The following ADAM17 variants were observed in gnomAD, a reference collection of about 807,000 sequenced individuals.
ADAM17 encodes the protein disintegrin and metalloproteinase domain-containing protein 17.
In ADAM17, 39 loss-of-function variants were observed where a neutral mutation model predicts 96.7. The observed-to-expected ratio is 0.40, with a 90% CI of 0.31 to 0.53. ADAM17 has a LOEUF of 0.53. Ranked by LOEUF, ADAM17 falls within the 20% of genes least tolerant of loss-of-function variation. ADAM17 has a pLI of 0.44. For synonymous variants in ADAM17, 344 were observed against 359.2 expected (o/e 0.96, Z 0.48); for missense variants, 777 against 1,013.2 (o/e 0.77, Z 3.17).
At chr2:9,518,949 A>G (rs1664193020) in intron 8 of ADAM17, among the ~76,000 whole-genome samples, 1 of 151,954 alleles carries the variant, frequency 6.6e-6, no homozygotes, top group Non-Finnish European at 1.5e-5. Context: ...TGTGTCACCT[A>G]GGCTGGAATG....
chr2:9,507,007 A>G (rs1027822585), intron 11 of ADAM17: 47 of 152,116 alleles, frequency 3.1e-4, no homozygotes, highest in African/African-American at 1.1e-3. Context: ...AGAAGTTACA[A>G]TCTCAAAGGT....
At chr2:9,534,011 C>T (rs1572946452) in intron 4 of ADAM17, among the ~76,000 whole-genome samples, 2 of 152,178 alleles carry the variant, frequency 1.3e-5, no homozygotes, top group African/African-American at 4.8e-5. Context: ...TCCAACTAAA[C>T]ACATGCACCA....
intron 4 of ADAM17, among the ~76,000 whole-genome samples, chr2:9,529,696 C>T (rs1242796299): frequency 1.3e-5 from 2 of 152,070 alleles, no homozygotes; most frequent in Non-Finnish European, 2.9e-5. Flanking sequence ...AACTGCCGGG[C>T]GCGATGGCTC....
At chr2:9,543,063 C>T in intron 2 of ADAM17, 90 bp downstream of exon 2, 2 of 1,365,452 alleles carry the variant, frequency 1.5e-6, no homozygotes, top group Admixed American at 2.6e-5. Flanking sequence ...ATGTAATTTC[C>T]CAAGATTTCA....
rs2124946454 is a variant in ADAM17 at position 9,490,010 on chromosome 2, G to GA, written c.*166dup. The GA allele has an allele frequency of 1.7e-6, 1 of 603,094 alleles. No individual in the cohort carries two copies. The highest frequency in any genetic ancestry group is 2.8e-6 in the Non-Finnish European group (1 of 362,300). 37.4% of individuals were successfully genotyped at this position (603,094 alleles called of 1,614,324 possible). A position where few individuals can be genotyped will look rare whatever the true frequency, so the allele number is the denominator to read the frequency against. The stretch of plus-strand genomic sequence containing the variant: ...CCTTCACCTTACCTTTTCAAAAGGA[G>GA]AAGGGCCAAACCACACAAGAACTGT... On this transcript the variant is annotated 3_prime_UTR_variant, in exon 19 of 19. Coordinates refer to ENST00000310823, the MANE Select transcript of ADAM17 (RefSeq NM_003183.6).
chr2:9,520,349 T>TC (rs1664254753), intron 8 of ADAM17, among the ~76,000 whole-genome samples: 2 of 152,242 alleles, frequency 1.3e-5, no homozygotes, highest in Non-Finnish European at 2.9e-5. Flanking sequence ...CACCCTGTTA[T>TC]ACGGCAAGAC....
intron 12 of ADAM17, among the ~76,000 whole-genome samples, chr2:9,504,401 C>T (rs910599401): frequency 6.6e-6 from 1 of 151,304 alleles, no homozygotes; most frequent in Non-Finnish European, 1.5e-5. Flanking sequence ...GCTGAGATCG[C>T]GCCACTGCAC....
intron 8 of ADAM17, among the ~76,000 whole-genome samples, chr2:9,518,589 G>A (rs1443257323): frequency 1.3e-5 from 2 of 152,148 alleles, no homozygotes; most frequent in Non-Finnish European, 2.9e-5. Flanking sequence ...TCGATAAGGG[G>A]ATTGCAGCAC....
chr2:9,528,177 T>C (rs773051082), intron 4 of ADAM17, among the ~76,000 whole-genome samples: 3 of 152,266 alleles, frequency 2.0e-5, no homozygotes, highest in African/African-American at 7.2e-5. Flanking sequence ...TTTATCTGTA[T>C]ATAAATAAAG....
chr2:9,538,207 C>G (rs546726065), intron 2 of ADAM17, among the ~76,000 whole-genome samples: 1 of 152,190 alleles, frequency 6.6e-6, no homozygotes, highest in African/African-American at 2.4e-5. Flanking sequence ...TCCATGAACA[C>G]CAAAGACAAA....
At chr2:9,508,013 G>A (rs1490397624) in intron 11 of ADAM17, among the ~76,000 whole-genome samples, 1 of 152,128 alleles carries the variant, frequency 6.6e-6, no homozygotes, top group African/African-American at 2.4e-5. Context: ...TGCCTCACTG[G>A]CAAGTTCTTA....
At position 9,489,896 on chromosome 2, in the gene ADAM17, C is replaced by A; in HGVS notation, c.*281G>T. 2.9e-6 allele frequency: 1 copy of A among 349,110 alleles called. No individual in the cohort carries two copies. Among genetic ancestry groups the A allele is most frequent in the Non-Finnish European group, 5.2e-6 (1 of 191,618 alleles). 21.6% of individuals were successfully genotyped at this position (349,110 alleles called of 1,614,324 possible). A position where few individuals can be genotyped will look rare whatever the true frequency, so the allele number is the denominator to read the frequency against. On this transcript the variant is annotated 3_prime_UTR_variant, in exon 19 of 19. Transcript: ENST00000310823. ...TACAAAAACGTAAATATTCATAACC[C>A]AATCCAGCTGTATTTTCTGCTTTTG...
chr2:9,520,964 CAAAAAAA>C lies in ADAM17; in HGVS notation c.957+232_957+238del, dbSNP rs55909096. Among the ~76,000 whole-genome samples, 5 of 26,282 alleles carry C rather than the reference CAAAAAAA, an allele frequency of 1.9e-4. 1 individual carries two copies. Among genetic ancestry groups the C allele is most frequent in the Non-Finnish European group, 2.6e-4 (3 of 11,382 alleles). 17.2% of individuals were successfully genotyped at this position (26,282 alleles called of 152,430 possible). ...GGGCAACAAGAGTGAAACTCTGTCT[CAAAAAAA>C]AAAAAAAAAAAAAAAGGAAGCATTG... On this transcript the variant is annotated intron_variant, in intron 8 of 18. Coordinates refer to ENST00000310823, the MANE Select transcript of ADAM17 (RefSeq NM_003183.6).
chr2:9,550,406 A>C (rs1463705285), intron 1 of ADAM17, among the ~76,000 whole-genome samples: 4 of 148,568 alleles, frequency 2.7e-5, no homozygotes, highest in Non-Finnish European at 1.5e-5. Context: ...AGCCCTGCCT[A>C]GTCCTAGGCT....
In ADAM17 at chr2:9,530,387, C is replaced by A. The variant is rs575056739; in HGVS notation, c.451-2433G>T. Among the ~76,000 whole-genome samples, 38 of 152,264 alleles carry A rather than the reference C, an allele frequency of 2.5e-4. 1 individual carries two copies. The highest frequency in any genetic ancestry group is 9.1e-4 in the African/African-American group (38 of 41,556). Reference sequence around the variant, plus strand: ...CCTCACTATGTGCCTTGGACAAGTACCCTGAGCATAACCTCCCTCATTAGG... The same window carrying A: ...CCTCACTATGTGCCTTGGACAAGTAACCTGAGCATAACCTCCCTCATTAGG... On this transcript the variant is annotated intron_variant, in intron 4 of 18. Coordinates refer to ENST00000310823, the MANE Select transcript of ADAM17 (RefSeq NM_003183.6).
intron 11 of ADAM17, among the ~76,000 whole-genome samples, chr2:9,509,413 C>G (rs1663603425): frequency 6.6e-6 from 1 of 152,160 alleles, no homozygotes; most frequent in Non-Finnish European, 1.5e-5. Flanking sequence ...CAGAAACCCC[C>G]AATAGTAAAT....
At chr2:9,535,469 C>A (rs1002345576) in intron 4 of ADAM17, among the ~76,000 whole-genome samples, 1 of 152,162 alleles carries the variant, frequency 6.6e-6, no homozygotes, top group South Asian at 2.1e-4. Flanking sequence ...TCTAGCATTT[C>A]CAGTGTGTCT....
chr2:9,500,829 AATTGACCGAAC>A (rs1348230415), intron 13 of ADAM17, among the ~76,000 whole-genome samples: 1 of 152,222 alleles, frequency 6.6e-6, no homozygotes, highest in Non-Finnish European at 1.5e-5. Flanking sequence ...TTAAAGCAAC[AATTGACCGAAC>A]AAAAGATACT....
chr2:9,506,484 AGCCTCCTG>A (rs577412137), intron 11 of ADAM17, among the ~76,000 whole-genome samples: 48 of 147,522 alleles, frequency 3.3e-4, no homozygotes, highest in Admixed American at 2.7e-3. Context: ...CTTCTGCCTC[AGCCTCCTG>A]AGTAGCTAGG....
Sources: gnomAD v4.1 joint callset for allele counts (sites outside exome capture counted in the v4.1 genomes callset) on GRCh38, gnomAD v4.1.1 for gene constraint, MANE v1.5 for transcripts, NCBI Gene and HGNC (gene_info 2026-07-23, HGNC 2026-07-21) for gene names.